TMEM232: variants seen among roughly 807,000 people sequenced by gnomAD.
TMEM232 encodes transmembrane protein 232.
In TMEM232, 80 loss-of-function variants were observed where a neutral mutation model predicts 78.8. The observed-to-expected ratio is 1.01, with a 90% confidence interval of 0.85 to 1.22. The LOEUF (loss-of-function observed/expected upper bound fraction) is 1.22, where lower values mean the gene tolerates loss of function less well. Ranked by LOEUF, TMEM232 falls within the 50% of genes most tolerant of loss-of-function variation. The pLI is 0.00. For missense variants in TMEM232, 881 were observed against 742.2 expected (o/e 1.19, Z -2.17); for synonymous variants, 297 against 254.3 (o/e 1.17, Z -1.60).
chr5:110,484,426 C>A (rs540756077), intron 12 of TMEM232, among the ~76,000 whole-genome samples: 2 of 151,928 alleles, frequency 1.3e-5, no homozygotes, highest in African/African-American at 4.8e-5. Context: ...AACAAAAAGA[C>A]ATACAACATA....
At chr5:110,677,348 T>G (rs73228142) in intron 1 of TMEM232, among the ~76,000 whole-genome samples, 4,406 of 152,172 alleles carry the variant, frequency 0.029, 219 homozygotes, top group African/African-American at 0.1. Context: ...TATCTTAGTT[T>G]CAATTTGTGA....
intron 10 of TMEM232, among the ~76,000 whole-genome samples, chr5:110,589,650 G>A (rs1054467670): frequency 1.3e-5 from 2 of 152,014 alleles, no homozygotes; most frequent in Admixed American, 6.6e-5. Context: ...TTTCTCGCTC[G>A]AAAATGGGGA....
chr5:110,669,410 C>T, intron 1 of TMEM232, among the ~76,000 whole-genome samples: 1 of 152,152 alleles, frequency 6.6e-6, no homozygotes, highest in Admixed American at 6.5e-5. Context: ...GACACATACA[C>T]CCTCCCAAGA....
chr5:110,520,701 C>T (rs1482043028), intron 12 of TMEM232, among the ~76,000 whole-genome samples: 1 of 152,094 alleles, frequency 6.6e-6, no homozygotes, highest in Non-Finnish European at 1.5e-5. Flanking sequence ...GGGTGGATCA[C>T]CTGAGATCGG....
chr5:110,720,241 C>T (rs1446480088), intron 1 of TMEM232, among the ~76,000 whole-genome samples: 3 of 152,056 alleles, frequency 2.0e-5, no homozygotes, highest in Admixed American at 1.3e-4. Flanking sequence ...GAAACCTCTC[C>T]CCTATAATAA....
intron 10 of TMEM232, among the ~76,000 whole-genome samples, chr5:110,602,051 T>C (rs929125964): frequency 6.6e-6 from 1 of 152,142 alleles, no homozygotes; most frequent in Non-Finnish European, 1.5e-5. Context: ...GGGGAAAGGA[T>C]TTCCTATTTA....
intron 10 of TMEM232, among the ~76,000 whole-genome samples, chr5:110,598,354 G>T (rs1780449797): frequency 6.6e-6 from 1 of 152,136 alleles, no homozygotes; most frequent in African/African-American, 2.4e-5. Context: ...TCAAAAGTCA[G>T]GAAACAACAG....
intron 1 of TMEM232, among the ~76,000 whole-genome samples, chr5:110,724,253 C>A (rs1797947827): frequency 6.6e-6 from 1 of 152,096 alleles, no homozygotes; most frequent in Non-Finnish European, 1.5e-5. Flanking sequence ...ATATTCTCAC[C>A]TCTCTGGAGT....
At chr5:110,505,417 G>A (rs1359956127) in intron 12 of TMEM232, among the ~76,000 whole-genome samples, 2 of 152,170 alleles carry the variant, frequency 1.3e-5, no homozygotes, top group Admixed American at 6.5e-5. Context: ...AACACCATCT[G>A]CTACCTGAAT....
chr5:110,530,992 C>T (rs989661392), intron 11 of TMEM232, among the ~76,000 whole-genome samples: 1 of 152,190 alleles, frequency 6.6e-6, no homozygotes, highest in Non-Finnish European at 1.5e-5. Flanking sequence ...TGCCCGTACA[C>T]ATCCAGATGG....
At chr5:110,475,821 TA>T (rs1251706218) in intron 12 of TMEM232, among the ~76,000 whole-genome samples, 1 of 151,216 alleles carries the variant, frequency 6.6e-6, no homozygotes, top group African/African-American at 2.4e-5. Context: ...AAAGAACCAC[TA>T]AAAAAAAGTA....
At chr5:110,710,958 A>G (rs1483982566) in intron 1 of TMEM232, among the ~76,000 whole-genome samples, 1 of 152,214 alleles carries the variant, frequency 6.6e-6, no homozygotes, top group Admixed American at 6.5e-5. Flanking sequence ...CCAAATTGGA[A>G]AGAAAGAAAT....
chr5:110,612,021 G>A (rs1346596971), intron 8 of TMEM232, among the ~76,000 whole-genome samples: 3 of 152,134 alleles, frequency 2.0e-5, no homozygotes, highest in African/African-American at 7.2e-5. Flanking sequence ...AGAGGCAGGA[G>A]CCTGACTGGG....
intron 12 of TMEM232, among the ~76,000 whole-genome samples, chr5:110,427,208 C>T (rs1255085770): frequency 6.6e-6 from 1 of 151,932 alleles, no homozygotes; most frequent in Non-Finnish European, 1.5e-5. Flanking sequence ...TCTGGTTTTA[C>T]TACTTAGTGT....
intron 7 of TMEM232, among the ~76,000 whole-genome samples, chr5:110,621,177 C>T (rs1783700856): frequency 6.6e-6 from 1 of 151,376 alleles, no homozygotes; most frequent in Non-Finnish European, 1.5e-5. Context: ...AAGCAATCTT[C>T]AGCAAGAAAC....
At chr5:110,723,408 A>C (rs1484505228) in intron 1 of TMEM232, among the ~76,000 whole-genome samples, 1 of 152,172 alleles carries the variant, frequency 6.6e-6, no homozygotes, top group African/African-American at 2.4e-5. Context: ...AATGTAATAG[A>C]GTTCAAATAT....
At chr5:110,610,620 G>A in intron 8 of TMEM232, 1 of 440,350 alleles carries the variant, frequency 2.3e-6, no homozygotes, top group Non-Finnish European at 4.5e-6. Context: ...ACAAGAAAGG[G>A]TGCCAGTTAA....
chr5:110,524,788 T>C (rs935441945), intron 12 of TMEM232, among the ~76,000 whole-genome samples: 3 of 152,172 alleles, frequency 2.0e-5, no homozygotes, highest in Non-Finnish European at 2.9e-5. Flanking sequence ...ATTTCTCCAA[T>C]TCTGTCAATA....
chr5:110,641,275 T>C (rs977928459), intron 3 of TMEM232, among the ~76,000 whole-genome samples: 6 of 152,148 alleles, frequency 3.9e-5, no homozygotes, highest in Non-Finnish European at 8.8e-5. Flanking sequence ...TAGTGAGTAC[T>C]TCCAATTTTC....
Sources: gnomAD v4.1 joint callset for allele counts (sites outside exome capture counted in the v4.1 genomes callset) on GRCh38, gnomAD v4.1.1 for gene constraint, MANE v1.5 for transcripts, NCBI Gene and HGNC (gene_info 2026-07-23, HGNC 2026-07-21) for gene names.